MTUS2: variants seen among roughly 807,000 people sequenced by gnomAD.
MTUS2 encodes microtubule associated scaffold protein 2, also known as microtubule-associated tumor suppressor candidate 2.
MTUS2 carries 40 observed loss-of-function variants against 114.1 expected under a neutral mutation model. That is an observed-to-expected ratio of 0.35 (90% CI 0.27 to 0.46). MTUS2 has a LOEUF of 0.46. Among genes scored for constraint, MTUS2 ranks in the 20% least tolerant of loss-of-function variants. MTUS2 has a pLI of 1.00. For missense variants in MTUS2, 1,679 were observed against 1,705.4 expected (o/e 0.98, Z 0.27); for synonymous variants, 688 against 672.0 (o/e 1.02, Z -0.37).
At chr13:29,378,173 T>C (rs1051270252) in intron 8 of MTUS2, among the ~76,000 whole-genome samples, 2 of 152,136 alleles carry the variant, frequency 1.3e-5, no homozygotes, top group African/African-American at 4.8e-5. Flanking sequence ...TATTCTGATT[T>C]TGGTGTTATT....
intron 5 of MTUS2, among the ~76,000 whole-genome samples, chr13:29,217,308 A>G (rs1434406515): frequency 6.6e-6 from 1 of 152,094 alleles, no homozygotes; most frequent in Non-Finnish European, 1.5e-5. Flanking sequence ...TTGATACATC[A>G]TTTAGCTTGG....
intron 13 of MTUS2, 69 bp from the exon 14 acceptor site, chr13:29,498,349 G>T: frequency 1.3e-6 from 2 of 1,593,964 alleles, no homozygotes; most frequent in Non-Finnish European, 1.7e-6. Flanking sequence ...AGCTGGATTC[G>T]TGACATTGGT....
At chr13:28,859,139 A>G (rs528431518) in intron 2 of MTUS2, among the ~76,000 whole-genome samples, 1 of 152,292 alleles carries the variant, frequency 6.6e-6, no homozygotes, top group East Asian at 1.9e-4. Context: ...ATCCTGAATT[A>G]GGTGTTGCTA....
intron 2 of MTUS2, among the ~76,000 whole-genome samples, chr13:28,978,162 A>C (rs1239812575): frequency 6.6e-6 from 1 of 152,210 alleles, no homozygotes; most frequent in Non-Finnish European, 1.5e-5. Flanking sequence ...TGCACTTGAC[A>C]TTCATTAGAA....
At chr13:28,954,905 C>A (rs1375890840) in intron 2 of MTUS2, among the ~76,000 whole-genome samples, 1 of 152,048 alleles carries the variant, frequency 6.6e-6, no homozygotes, top group South Asian at 2.1e-4. Context: ...ATAACCATGA[C>A]CTTATTTGGC....
At chr13:29,188,676 G>T (rs541100208) in intron 5 of MTUS2, among the ~76,000 whole-genome samples, 3 of 152,156 alleles carry the variant, frequency 2.0e-5, no homozygotes, top group African/African-American at 7.2e-5. Context: ...GAGACTCCCT[G>T]CTCTGCTGGT....
intron 8 of MTUS2, among the ~76,000 whole-genome samples, chr13:29,381,453 G>T (rs924869710): frequency 2.0e-5 from 3 of 152,200 alleles, no homozygotes; most frequent in Admixed American, 2.0e-4. Context: ...ATCATATACT[G>T]TTTATTCATT....
chr13:29,465,145 C>T (rs1879795544), intron 9 of MTUS2, among the ~76,000 whole-genome samples: 1 of 152,202 alleles, frequency 6.6e-6, no homozygotes, highest in South Asian at 2.1e-4. Flanking sequence ...AATGAGGGCT[C>T]AGTACCCATT....
intron 8 of MTUS2, among the ~76,000 whole-genome samples, chr13:29,395,094 T>G (rs1339815427): frequency 1.3e-5 from 2 of 152,230 alleles, no homozygotes; most frequent in Non-Finnish European, 2.9e-5. Flanking sequence ...TACTTTGATT[T>G]CTTTCAGGGC....
intron 5 of MTUS2, among the ~76,000 whole-genome samples, chr13:29,232,321 C>T (rs57008648): frequency 1.0e-5 from 1 of 98,724 alleles, no homozygotes; most frequent in Admixed American, 1.0e-4. Flanking sequence ...CACACACACA[C>T]ACGCACACAT....
intron 9 of MTUS2, among the ~76,000 whole-genome samples, chr13:29,441,163 G>GACC (rs1196090415): frequency 2.4e-4 from 36 of 152,180 alleles, no homozygotes; most frequent in Admixed American, 7.8e-4. Context: ...CCCTGCTACT[G>GACC]CTGCAGGGAC....
At chr13:29,248,942 A>G (rs1168861350) in intron 5 of MTUS2, among the ~76,000 whole-genome samples, 1 of 152,078 alleles carries the variant, frequency 6.6e-6, no homozygotes, top group Non-Finnish European at 1.5e-5. Flanking sequence ...AAACATATGT[A>G]TGCATGTATC....
chr13:29,428,725 T>TG, intron 8 of MTUS2: 2 of 1,551,696 alleles, frequency 1.3e-6, no homozygotes, highest in Non-Finnish European at 1.7e-6. Flanking sequence ...GGGAACCACA[T>TG]GGAAGTTGTG....
At chr13:29,364,646 A>T (rs9506162) in intron 8 of MTUS2, among the ~76,000 whole-genome samples, 29,280 of 152,134 alleles carry the variant, frequency 0.19, 3,028 homozygotes, top group Middle Eastern at 0.25. Context: ...ATGCATTCAG[A>T]TTTTAAATTC....
intron 5 of MTUS2, among the ~76,000 whole-genome samples, chr13:29,260,594 A>G (rs912344740): frequency 2.0e-5 from 3 of 152,254 alleles, no homozygotes; most frequent in Admixed American, 6.5e-5. Flanking sequence ...ACACATACCT[A>G]TATAGTCCCC....
At chr13:28,863,229 T>A (rs753847961) in intron 2 of MTUS2, among the ~76,000 whole-genome samples, 2 of 152,210 alleles carry the variant, frequency 1.3e-5, no homozygotes, top group Non-Finnish European at 2.9e-5. Context: ...TTGTGTTTCC[T>A]AAGCAGTTGG....
At chr13:29,087,742 G>T (rs767977139) in intron 4 of MTUS2, among the ~76,000 whole-genome samples, 6 of 152,092 alleles carry the variant, frequency 3.9e-5, no homozygotes, top group Non-Finnish European at 7.4e-5. Flanking sequence ...AGTTCCTCTG[G>T]GTATAATGTT....
intron 6 of MTUS2, chr13:29,307,708 A>G: frequency 8.9e-7 from 1 of 1,128,230 alleles, no homozygotes; most frequent in African/African-American, 1.5e-5. Context: ...TTTCAAGCTC[A>G]TTTCCTGGTA....
At chr13:29,288,875 A>G (rs1037555604) in intron 6 of MTUS2, among the ~76,000 whole-genome samples, 30 of 152,276 alleles carry the variant, frequency 2.0e-4, no homozygotes, top group Middle Eastern at 3.4e-3. Flanking sequence ...TCAGCGTTTC[A>G]CGTGCTGCAT....
Sources: allele counts gnomAD v4.1 joint callset (sites outside exome capture counted in the v4.1 genomes callset), GRCh38; gene constraint gnomAD v4.1.1; transcripts MANE v1.5; gene names NCBI Gene and HGNC (gene_info 2026-07-23, HGNC 2026-07-21).